WWOX: variants seen among roughly 807,000 people sequenced by gnomAD.
WWOX encodes the protein WW domain-containing oxidoreductase.
A neutral mutation model predicts 46.2 loss-of-function variants in WWOX; 69 were observed. The ratio of observed to expected loss-of-function variants is 1.49; its 90% CI spans 1.23 to 1.82. WWOX has a LOEUF of 1.82. Among genes scored for constraint, WWOX ranks in the 40% most tolerant of loss-of-function variants. The pLI is 0.00. For synonymous variants in WWOX, 359 were observed against 202.6 expected (o/e 1.77, Z -6.56); for missense variants, 919 against 542.6 (o/e 1.69, Z -6.89).
chr16:78,157,240 C>T (rs2034637046), intron 4 of WWOX, among the ~76,000 whole-genome samples: 1 of 152,174 alleles, frequency 6.6e-6, no homozygotes, highest in Non-Finnish European at 1.5e-5. Context: ...CACTGTGTTG[C>T]TTGCATATGG....
At chr16:78,858,485 T>C (rs1366645011) in intron 8 of WWOX, among the ~76,000 whole-genome samples, 1 of 152,098 alleles carries the variant, frequency 6.6e-6, no homozygotes, top group Non-Finnish European at 1.5e-5. Flanking sequence ...AAAAAAACTA[T>C]ACACATAGCT....
At chr16:78,872,238 C>G (rs955825895) in intron 8 of WWOX, among the ~76,000 whole-genome samples, 2 of 152,190 alleles carry the variant, frequency 1.3e-5, no homozygotes, top group Non-Finnish European at 2.9e-5. Flanking sequence ...TTACTGAGAT[C>G]TCTATGAGAG....
intron 8 of WWOX, among the ~76,000 whole-genome samples, chr16:79,209,147 C>T (rs2051624627): frequency 6.6e-6 from 1 of 152,136 alleles, no homozygotes; most frequent in Admixed American, 6.6e-5. Context: ...AAAAGTTAGG[C>T]TTTTCAAAAA....
At chr16:79,114,685 G>A (rs2049479234) in intron 8 of WWOX, among the ~76,000 whole-genome samples, 1 of 152,064 alleles carries the variant, frequency 6.6e-6, no homozygotes, top group African/African-American at 2.4e-5. Flanking sequence ...CCTAGTTTGT[G>A]GCACTTTGTT....
intron 8 of WWOX, chr16:78,899,433 C>G (rs1411671671): frequency 1.3e-5 from 2 of 152,142 alleles, no homozygotes; most frequent in South Asian, 4.1e-4. Flanking sequence ...TGTCACTTTC[C>G]TTTATCTGTA....
chr16:78,455,158 G>A (rs2083784587), intron 8 of WWOX, among the ~76,000 whole-genome samples: 1 of 152,170 alleles, frequency 6.6e-6, no homozygotes, highest in Non-Finnish European at 1.5e-5. Flanking sequence ...GTCAGATAAA[G>A]TTGCAGAACA....
At chr16:78,410,747 G>C (rs1002243644) in intron 6 of WWOX, among the ~76,000 whole-genome samples, 15 of 150,014 alleles carry the variant, frequency 1.0e-4, no homozygotes, top group African/African-American at 3.7e-4. Context: ...CGGAGGTTGT[G>C]GTCAACTGAG....
chr16:78,984,704 C>G (rs957246667), intron 8 of WWOX, among the ~76,000 whole-genome samples: 1 of 152,196 alleles, frequency 6.6e-6, no homozygotes, highest in African/African-American at 2.4e-5. Context: ...TCCTGTGAAT[C>G]TTCATACTTT....
chr16:78,505,508 G>GA (rs747367955), intron 8 of WWOX, among the ~76,000 whole-genome samples: 172 of 152,236 alleles, frequency 1.1e-3, no homozygotes, highest in Non-Finnish European at 1.9e-3. Context: ...GCAGCCCAGG[G>GA]AGACTGTTCA....
chr16:79,093,703 G>A (rs1309336720), intron 8 of WWOX, among the ~76,000 whole-genome samples: 1 of 152,146 alleles, frequency 6.6e-6, no homozygotes, highest in Non-Finnish European at 1.5e-5. Context: ...AGCCTTTTTG[G>A]TAACTTGAAT....
At chr16:78,654,804 G>C (rs1231768391) in intron 8 of WWOX, among the ~76,000 whole-genome samples, 1 of 151,454 alleles carries the variant, frequency 6.6e-6, no homozygotes, top group Non-Finnish European at 1.5e-5. Flanking sequence ...CTGTTGTTTT[G>C]AATTTTGGAA....
Position 78,261,552 on chromosome 16 carries a change from G to A in WWOX, c.516+97263G>A, listed in dbSNP as rs892873721. On this transcript the variant is annotated intron_variant, in intron 5 of 8. Transcript: ENST00000566780. ...TTTTGTATTTCATCTGTGATTGACT[G>A]TGTATGTATTTTTGCATATATACCT... is the stretch of plus-strand genomic sequence containing the variant. Among the ~76,000 whole-genome samples the A allele has an allele frequency of 5.3e-5, 8 of 150,156 alleles. 1 individual carries two copies. Among genetic ancestry groups the A allele is most frequent in the Non-Finnish European group, 1.2e-4 (8 of 67,636 alleles).
chr16:78,484,722 C>G (rs945119295), intron 8 of WWOX, among the ~76,000 whole-genome samples: 13 of 152,084 alleles, frequency 8.5e-5, no homozygotes, highest in African/African-American at 3.1e-4. Flanking sequence ...ATAATTCTCT[C>G]TCCCAAAATG....
chr16:78,958,347 A>G (rs1312966840), intron 8 of WWOX, among the ~76,000 whole-genome samples: 2 of 152,232 alleles, frequency 1.3e-5, no homozygotes, highest in Non-Finnish European at 2.9e-5. Flanking sequence ...AACTAGTGTA[A>G]CTAGACAAAA....
At chr16:78,662,124 G>GT (rs1205734659) in intron 8 of WWOX, among the ~76,000 whole-genome samples, 1 of 152,156 alleles carries the variant, frequency 6.6e-6, no homozygotes, top group Admixed American at 6.5e-5. Context: ...TGACTTTGGG[G>GT]TTTGCAGTAA....
At position 79,211,857 on chromosome 16, in the gene WWOX, C is replaced by A; in HGVS notation, c.*61C>A. 1.0e-5 allele frequency: 16 copies of A among 1,604,666 alleles called. No homozygotes were observed. Among genetic ancestry groups the A allele is most frequent in the Non-Finnish European group, 1.4e-5 (16 of 1,176,456 alleles). On this transcript the variant is annotated 3_prime_UTR_variant, in exon 9 of 9. Transcript: ENST00000566780. ...CTGTGTGTGTCCCCTCACGCAAGTG[C>A]CAGGGCTGGGCCCCTTCCAAATGTC...
At chr16:79,163,097 C>T (rs1323558212) in intron 8 of WWOX, among the ~76,000 whole-genome samples, 3 of 152,168 alleles carry the variant, frequency 2.0e-5, no homozygotes, top group African/African-American at 7.2e-5. Flanking sequence ...TGTTTGTTGA[C>T]AAGCGACATT....
At chr16:78,853,256 T>C (rs1440299511) in intron 8 of WWOX, among the ~76,000 whole-genome samples, 1 of 152,176 alleles carries the variant, frequency 6.6e-6, no homozygotes, top group African/African-American at 2.4e-5. Context: ...AGTCTTGATC[T>C]GTCATCCAGG....
At chr16:78,604,132 C>T (rs922904129) in intron 8 of WWOX, among the ~76,000 whole-genome samples, 32 of 152,016 alleles carry the variant, frequency 2.1e-4, no homozygotes, top group African/African-American at 7.2e-4. Flanking sequence ...TGACCGAGAC[C>T]TTGTCTAAAA....
Sources: allele counts gnomAD v4.1 joint callset (sites outside exome capture counted in the v4.1 genomes callset), GRCh38; gene constraint gnomAD v4.1.1; transcripts MANE v1.5; gene names NCBI Gene and HGNC (gene_info 2026-07-23, HGNC 2026-07-21).